Variants in NBEA observed in about 807,000 individuals in gnomAD.
The protein encoded by NBEA is lysosomal-trafficking regulator 2.
NBEA carries 44 observed loss-of-function variants against 343.4 expected under a neutral mutation model. That is an observed-to-expected ratio of 0.13 (90% confidence interval 0.10 to 0.16). The LOEUF (loss-of-function observed/expected upper bound fraction) is 0.16, where lower values mean the gene tolerates loss of function less well. Among genes scored for constraint, NBEA ranks in the 10% least tolerant of loss-of-function variants. NBEA has a pLI of 1.00. For missense variants in NBEA, 2,555 were observed against 3,631.3 expected (o/e 0.70, Z 7.62); for synonymous variants, 1,175 against 1,238.7 (o/e 0.95, Z 1.08).
intron 33 of NBEA, among the ~76,000 whole-genome samples, chr13:35,223,144 GAAAAT>G (rs561963777): frequency 6.7e-4 from 102 of 152,128 alleles, no homozygotes; most frequent in African/African-American, 2.3e-3. Context: ...AAAAGAAAAA[GAAAAT>G]AAACAGTACA....
At chr13:35,243,921 T>C (rs2030759824) in intron 34 of NBEA, among the ~76,000 whole-genome samples, 2 of 151,856 alleles carry the variant, frequency 1.3e-5, no homozygotes, top group Admixed American at 6.6e-5. Flanking sequence ...AAAGAATACT[T>C]CACCCAATAA....
intron 8 of NBEA, among the ~76,000 whole-genome samples, chr13:35,068,316 G>A (rs910887932): frequency 6.6e-6 from 1 of 152,156 alleles, no homozygotes; most frequent in Admixed American, 6.6e-5. Context: ...TCCACAAAAT[G>A]ATTTTAAATC....
intron 21 of NBEA, among the ~76,000 whole-genome samples, chr13:35,158,431 G>A (rs2069330102): frequency 1.3e-5 from 2 of 151,914 alleles, no homozygotes; most frequent in South Asian, 4.1e-4. Context: ...AAAAGACATT[G>A]CAGGTCTTTG....
intron 48 of NBEA, among the ~76,000 whole-genome samples, chr13:35,613,102 T>A (rs1010258542): frequency 1.3e-5 from 2 of 149,460 alleles, no homozygotes; most frequent in African/African-American, 2.4e-5. Context: ...CATATATATA[T>A]AAATAATTAA....
At chr13:35,425,957 C>G (rs577175075) in intron 38 of NBEA, among the ~76,000 whole-genome samples, 1 of 152,288 alleles carries the variant, frequency 6.6e-6, no homozygotes, top group South Asian at 2.1e-4. Context: ...TTATCAGAGA[C>G]CAGGATTGCA....
Position 35,286,739 on chromosome 13 carries a change from T to C in NBEA, c.5777-3650T>C, listed in dbSNP as rs1206112585. Among the ~76,000 whole-genome samples the C allele has an allele frequency of 2.0e-5, 3 of 152,142 alleles. No homozygotes were observed. The East Asian group carries it at 5.8e-4, about 29-fold the overall frequency. On this transcript the variant is annotated intron_variant, in intron 34 of 58. Transcript: ENST00000379939. ...TAACTTTATACTCATTTTGGAGATTTCTTATCTGGTTTATCATTTGTGGCA... is the reference window on the plus strand; with the variant it reads ...TAACTTTATACTCATTTTGGAGATTCCTTATCTGGTTTATCATTTGTGGCA...
chr13:35,303,137 A>G (rs2036663626), intron 35 of NBEA, among the ~76,000 whole-genome samples: 1 of 151,292 alleles, frequency 6.6e-6, no homozygotes, highest in African/African-American at 2.5e-5. Flanking sequence ...TCTTTACATT[A>G]AAAAAATCCT....
At chr13:35,232,389 A>G in intron 33 of NBEA, 103 bp from the exon 34 acceptor site, 1 of 793,166 alleles carries the variant, frequency 1.3e-6, no homozygotes, top group South Asian at 2.0e-5. Flanking sequence ...CATGGGCTAG[A>G]AAGGACATTT....
chr13:35,121,271 A>AT (rs1047216944), intron 16 of NBEA, among the ~76,000 whole-genome samples: 1 of 151,520 alleles, frequency 6.6e-6, no homozygotes, highest in Admixed American at 6.6e-5. Flanking sequence ...CACCTGACTA[A>AT]TTTTTTTTGT....
rs2059062251 is a variant in NBEA, at chr13:34,942,596, T to TACCGCC, written c.-218_-213dup. On this transcript the variant is annotated 5_prime_UTR_variant, in exon 1 of 59. Transcript: ENST00000379939. Reference sequence around the variant, plus strand: ...CCGCTTGCCCGGCAGCGGTTAGCGGTACCGCCACCGCCGAGAATAAGCCTG... The same window carrying TACCGCC: ...CCGCTTGCCCGGCAGCGGTTAGCGGTACCGCCACCGCCACCGCCGAGAATAAGCCTG... 2 of 263,550 alleles carry TACCGCC rather than the reference T, an allele frequency of 7.6e-6. No individual in the cohort carries two copies. The highest frequency in any genetic ancestry group is 1.5e-4 in the South Asian group (1 of 6,840). 16.3% of individuals were successfully genotyped at this position (263,550 alleles called of 1,614,324 possible). A position where few individuals can be genotyped will look rare whatever the true frequency, so the allele number is the denominator to read the frequency against.
rs2063824661 is a variant in NBEA at position 35,070,529 on chromosome 13, G to A, written c.1438-190G>A. ...TTAGTGTGAAAATGCCTCAACCTAA[G>A]ATTTGAAATTTAAAAGTGATTAGCA... On this transcript the variant is annotated intron_variant, in intron 9 of 58. Coordinates refer to ENST00000379939, the MANE Select transcript of NBEA (RefSeq NM_001385012.1). Among the ~76,000 whole-genome samples, 5 of 151,860 alleles carry A rather than the reference G, an allele frequency of 3.3e-5. No homozygotes were observed. In the South Asian group the frequency reaches 1.0e-3, roughly 31 times the overall value.
chr13:35,594,249 A>G (rs763414612), intron 47 of NBEA, among the ~76,000 whole-genome samples: 8 of 152,096 alleles, frequency 5.3e-5, no homozygotes, highest in Non-Finnish European at 1.2e-4. Flanking sequence ...CACTCAGTAC[A>G]AAAATGTTAC....
At chr13:35,219,377 C>T (rs182391287) in intron 33 of NBEA, among the ~76,000 whole-genome samples, 224 of 152,154 alleles carry the variant, frequency 1.5e-3, no homozygotes, top group Non-Finnish European at 2.9e-3. Flanking sequence ...CATCAGCATG[C>T]ATCAGAATAA....
chr13:35,225,159 T>C (rs1474547526), intron 33 of NBEA, among the ~76,000 whole-genome samples: 1 of 152,144 alleles, frequency 6.6e-6, no homozygotes, highest in Non-Finnish European at 1.5e-5. Flanking sequence ...CTTGCAAGCC[T>C]GGTGTTCAAG....
chr13:35,510,759 C>T (rs1300643097), intron 41 of NBEA, among the ~76,000 whole-genome samples: 1 of 152,086 alleles, frequency 6.6e-6, no homozygotes, highest in Non-Finnish European at 1.5e-5. Context: ...CTCATTTAGT[C>T]CTTACAATTT....
chr13:35,119,591 C>G (rs1302664666), intron 16 of NBEA, among the ~76,000 whole-genome samples: 1 of 150,990 alleles, frequency 6.6e-6, no homozygotes, highest in Non-Finnish European at 1.5e-5. Flanking sequence ...ATTTTTTTTT[C>G]TTTTTGAGAC....
chr13:35,309,157 A>T (rs142791489), intron 35 of NBEA, among the ~76,000 whole-genome samples: 1 of 152,018 alleles, frequency 6.6e-6, no homozygotes, highest in Non-Finnish European at 1.5e-5. Flanking sequence ...TAAAATTTCT[A>T]TATGAGGAGC....
intron 31 of NBEA, among the ~76,000 whole-genome samples, chr13:35,205,046 A>G (rs1160560885): frequency 6.6e-6 from 1 of 152,212 alleles, no homozygotes; most frequent in Non-Finnish European, 1.5e-5. Context: ...TGTTATCAAC[A>G]CATACTGGTT....
intron 28 of NBEA, among the ~76,000 whole-genome samples, chr13:35,177,422 G>A (rs1381849052): frequency 6.6e-6 from 1 of 151,704 alleles, no homozygotes; most frequent in African/African-American, 2.4e-5. Flanking sequence ...CCATTTGCAG[G>A]TACTAAAAAT....
Sources: gnomAD v4.1 joint callset for allele counts (sites outside exome capture counted in the v4.1 genomes callset) on GRCh38, gnomAD v4.1.1 for gene constraint, MANE v1.5 for transcripts, NCBI Gene and HGNC (gene_info 2026-07-23, HGNC 2026-07-21) for gene names.